The following SLC12A2 variants were observed in gnomAD, a reference collection of about 807,000 sequenced individuals.
The protein encoded by SLC12A2 is solute carrier family 12 member 2, also known as Na-K-2Cl cotransporter 1.
In SLC12A2, 67 loss-of-function variants were observed where a neutral mutation model predicts 136.3. That is an observed-to-expected ratio of 0.49 (90% CI 0.40 to 0.60). The LOEUF is 0.60. Ranked by LOEUF, SLC12A2 falls within the 20% of genes least tolerant of loss-of-function variation. The probability of loss-of-function intolerance (pLI) is 0.00; values close to 1 mark genes in which losing one functional copy is unlikely to be tolerated. For missense variants in SLC12A2, 1,322 were observed against 1,534.7 expected (o/e 0.86, Z 2.32); for synonymous variants, 619 against 562.9 (o/e 1.10, Z -1.41).
chr5:128,189,291 A>C lies in SLC12A2; in HGVS notation c.*2660A>C, dbSNP rs1256220564. On this transcript the variant is annotated 3_prime_UTR_variant, in exon 27 of 27. Transcript: ENST00000262461. ...AATCATTGATGATAGCTTGGAAATA[A>C]ATAATTATGCCATGGCATTTGACAG... The C allele has an allele frequency of 9.2e-5, 14 of 152,168 alleles. No individual in the cohort carries two copies. The highest frequency in any genetic ancestry group is 3.4e-4 in the African/African-American group (14 of 41,452). The allele number at this position is 152,168 out of a possible 1,614,324, so 9.4% of individuals were successfully genotyped here.
intron 1 of SLC12A2, among the ~76,000 whole-genome samples, chr5:128,096,420 C>T (rs1394576538): frequency 2.6e-5 from 4 of 151,906 alleles, no homozygotes; most frequent in African/African-American, 4.8e-5. Flanking sequence ...CTAATGGTTT[C>T]GGGCATAACT....
chr5:128,174,765 C>T (rs958690898), intron 20 of SLC12A2, 99 bp downstream of exon 20: 8 of 998,990 alleles, frequency 8.0e-6, no homozygotes, highest in Non-Finnish European at 1.1e-5. Context: ...ATAACCTGTT[C>T]TCAAACTTGT....
chr5:128,084,042 G>A lies in SLC12A2; in HGVS notation c.88G>A (p.Ala30Thr). The change falls in exon 1 of 27, where the codon GCC becomes ACC. Residue 30 changes from alanine (A) to threonine (T), a missense_variant. Coordinates refer to ENST00000262461, the MANE Select transcript of SLC12A2 (RefSeq NM_001046.3). This position sits in a 1 kb window ranked among gnomAD's most constrained non-coding sequence, Gnocchi z 5.6. ...ETPSAAALAA[A>T]RVELPGTAVP... ...GCCGTCAGCCGCTGCGCTGGCCGCA[G>A]CCAGGGTGGAACTGCCCGGCACGGC... The A allele has an allele frequency of 7.8e-7, 1 of 1,276,058 alleles. No individual in the cohort carries two copies. The allele number at this position is 1,276,058 out of a possible 1,614,324, so 79.0% of individuals were successfully genotyped here. A position where few individuals can be genotyped will look rare whatever the true frequency, so the allele number is the denominator to read the frequency against.
At chr5:128,104,605 C>T (rs563696372) in intron 1 of SLC12A2, among the ~76,000 whole-genome samples, 6 of 150,662 alleles carry the variant, frequency 4.0e-5, no homozygotes, top group African/African-American at 1.5e-4. Context: ...GCACTCTAGC[C>T]TGGGTGACAG....
chr5:128,166,067 G>T (rs1370687111), intron 17 of SLC12A2, among the ~76,000 whole-genome samples: 1 of 151,932 alleles, frequency 6.6e-6, no homozygotes, highest in Non-Finnish European at 1.5e-5. Flanking sequence ...GTCTGTATAT[G>T]GATGGAACAC....
At chr5:128,104,011 T>C (rs1416667046) in intron 1 of SLC12A2, among the ~76,000 whole-genome samples, 2 of 152,200 alleles carry the variant, frequency 1.3e-5, no homozygotes, top group Non-Finnish European at 2.9e-5. Context: ...TAACAACATA[T>C]TTATGACAGA....
Position 128,187,955 on chromosome 5 carries a change from A to G in SLC12A2, c.*1324A>G, listed in dbSNP as rs922152034. On this transcript the variant is annotated 3_prime_UTR_variant, in exon 27 of 27. Coordinates refer to ENST00000262461, the MANE Select transcript of SLC12A2 (RefSeq NM_001046.3). ...TTCCTGAAAACATTTCAAGGGATTTATGTCTACATATTTGTGTGTGTGTGT... is the reference window on the plus strand; with the variant it reads ...TTCCTGAAAACATTTCAAGGGATTTGTGTCTACATATTTGTGTGTGTGTGT... 2 of 152,482 alleles carry G rather than the reference A, an allele frequency of 1.3e-5. No homozygotes were observed. Among genetic ancestry groups the G allele is most frequent in the Non-Finnish European group, 2.9e-5 (2 of 67,992 alleles). 9.4% of individuals were successfully genotyped at this position (152,482 alleles called of 1,614,324 possible).
In SLC12A2 at chr5:128,174,568, C is replaced by G; in HGVS notation, c.2831C>G (p.Ser944Cys). 6.2e-7 allele frequency: 1 copy of G among 1,608,004 alleles called. No individual in the cohort carries two copies. The highest frequency in any genetic ancestry group is 8.5e-7 in the Non-Finnish European group (1 of 1,176,362). The stretch of plus-strand genomic sequence containing the variant: ...GAATTATTGTCATCACAAGAGAAAT[C>G]TCCTGGCACCAAGGATGTGGTAGTA... ...QEELLSSQEKSPGTKDVVVSV... is the reference protein window; with the variant it reads ...QEELLSSQEKCPGTKDVVVSV... Residue 944 changes from serine to cysteine, a missense_variant, in exon 20 of 27, where the codon TCT becomes TGT. Ser to Cys is a moderately radical substitution (Grantham distance 112). Transcript: ENST00000262461.
chr5:128,112,762 T>G, intron 1 of SLC12A2, 52 bp from the exon 2 acceptor site: 1 of 1,396,266 alleles, frequency 7.2e-7, no homozygotes, highest in Non-Finnish European at 1.0e-6. Context: ...TTTTATCAAG[T>G]GATTTTAAAT....
chr5:128,135,546 C>A (rs1435269136), intron 6 of SLC12A2, among the ~76,000 whole-genome samples, 154 bp from the exon 7 acceptor site: 1 of 151,940 alleles, frequency 6.6e-6, no homozygotes, highest in Non-Finnish European at 1.5e-5. Context: ...ATTTATTGAG[C>A]AGCTGCTTGG....
chr5:128,184,459 A>G lies in SLC12A2; in HGVS notation c.3393A>G (p.Pro1131=). Residue 1131 remains proline, a synonymous_variant, in exon 25 of 27, where the codon CCA becomes CCG. Coordinates refer to ENST00000262461, the MANE Select transcript of SLC12A2 (RefSeq NM_001046.3). ...DIADKMKEDE[P]WRITDNELEL... ...CAGATAAAATGAAAGAAGATGAACC[A>G]TGGCGAATAACAGATAATGAGCTTG... The G allele has an allele frequency of 2.5e-6, 4 of 1,609,348 alleles. No homozygotes were observed. The East Asian group carries it at 9.0e-5, about 36-fold the overall frequency.
intron 7 of SLC12A2, 111 bp downstream of exon 7, chr5:128,135,919 T>C: frequency 1.4e-6 from 1 of 701,004 alleles, no homozygotes; most frequent in Non-Finnish European, 2.5e-6. Context: ...TATGGTTTGG[T>C]GATTCACCCT....
intron 1 of SLC12A2, among the ~76,000 whole-genome samples, chr5:128,101,542 A>G (rs1056429591): frequency 2.6e-5 from 4 of 152,168 alleles, no homozygotes; most frequent in Non-Finnish European, 5.9e-5. Context: ...ACAATAAGCT[A>G]CTTGTCAAGA....
rs1760004396 is a variant in SLC12A2 at position 128,084,564 on chromosome 5, C to T, written c.610C>T (p.His204Tyr). ...CCACCAGCACTACTATTATGATACC[C>T]ACACCAACACCTACTACCTGCGCAC... ...GHHQHYYYDT[H>Y]TNTYYLRTFG... is the part of the protein sequence containing the mutation. Residue 204 changes from histidine (H) to tyrosine (Y), a missense_variant, in exon 1 of 27, where the codon CAC (histidine) becomes TAC (tyrosine). By Grantham distance (83) the His-to-Tyr change is moderately conservative (BLOSUM62 2). Transcript: ENST00000262461. The surrounding 1 kb of genome is among the most constrained non-coding windows in gnomAD (Gnocchi z 5.6). The T allele has an allele frequency of 6.2e-7, 1 of 1,613,598 alleles. No individual in the cohort carries two copies. Among genetic ancestry groups the T allele is most frequent in the South Asian group, 1.1e-5 (1 of 91,076 alleles).
At chr5:128,147,082 C>CT (rs34232629) in intron 10 of SLC12A2, among the ~76,000 whole-genome samples, 42,700 of 131,982 alleles carry the variant, frequency 0.32, 8,094 homozygotes, top group African/African-American at 0.54. Context: ...AATGTGTAAC[C>CT]TTTTTTTTTT....
chr5:128,163,070 T>C (rs997024396), intron 17 of SLC12A2, among the ~76,000 whole-genome samples: 2 of 152,088 alleles, frequency 1.3e-5, no homozygotes, highest in African/African-American at 4.8e-5. Flanking sequence ...CATAGAGCAA[T>C]TGGAAATCTT....
intron 5 of SLC12A2, among the ~76,000 whole-genome samples, chr5:128,133,899 G>A (rs941815891): frequency 6.6e-5 from 10 of 151,908 alleles, no homozygotes; most frequent in Non-Finnish European, 1.5e-4. Flanking sequence ...TTCTTTGTTA[G>A]CAATTCCTTT....
chr5:128,083,976 C>T lies in SLC12A2; in HGVS notation c.22C>T (p.Pro8Ser). MEPRPTA[P>S]SSGAPGLAGV... Reference sequence around the variant, plus strand: ...AGCTATGGAGCCGCGGCCCACGGCGCCCTCCTCCGGCGCCCCGGGACTGGC... The same window carrying T: ...AGCTATGGAGCCGCGGCCCACGGCGTCCTCCTCCGGCGCCCCGGGACTGGC... Residue 8 changes from proline to serine, a missense_variant, in exon 1 of 27, where the codon CCC (proline) becomes TCC (serine). By Grantham distance (74) the Pro-to-Ser change is moderately conservative. Coordinates refer to ENST00000262461, the MANE Select transcript of SLC12A2 (RefSeq NM_001046.3). The T allele has an allele frequency of 8.1e-7, 1 of 1,241,520 alleles. No homozygotes were observed. The highest frequency in any genetic ancestry group is 1.0e-6 in the Non-Finnish European group (1 of 993,084). The allele number at this position is 1,241,520 out of a possible 1,614,324, so 76.9% of individuals were successfully genotyped here. A position where few individuals can be genotyped will look rare whatever the true frequency, so the allele number is the denominator to read the frequency against.
Position 128,084,593 on chromosome 5 carries a change from C to T in SLC12A2, c.639C>T (p.Phe213=), listed in dbSNP as rs1432155255. The T allele has an allele frequency of 1.2e-6, 2 of 1,613,680 alleles. No homozygotes were observed. Among genetic ancestry groups the T allele is most frequent in the Non-Finnish European group, 1.7e-6 (2 of 1,179,996 alleles). The change falls in exon 1 of 27, where the codon TTC becomes TTT. Residue 213 remains phenylalanine (F), a synonymous_variant. Coordinates refer to ENST00000262461, the MANE Select transcript of SLC12A2 (RefSeq NM_001046.3). The surrounding 1 kb of genome is among the most constrained non-coding windows in gnomAD (Gnocchi z 5.6). Reference sequence around the variant, plus strand: ...CCAACACCTACTACCTGCGCACCTTCGGCCACAACACCATGGACGCTGTGC... The same window carrying T: ...CCAACACCTACTACCTGCGCACCTTTGGCCACAACACCATGGACGCTGTGC... The part of the protein sequence containing the change: ...THTNTYYLRT[F]GHNTMDAVPR...
Sources: gnomAD v4.1 joint callset for allele counts (sites outside exome capture counted in the v4.1 genomes callset) on GRCh38, gnomAD v4.1.1 for gene constraint, Gnocchi (gnomAD v3.1) non-coding constraint, MANE v1.5 for transcripts, NCBI Gene and HGNC (gene_info 2026-07-23, HGNC 2026-07-21) for gene names.